Variants in ARHGAP19 observed in about 807,000 individuals in gnomAD.
The protein encoded by ARHGAP19 is Rho GTPase activating protein 19.
ARHGAP19 carries 48 observed loss-of-function variants against 60.9 expected under a neutral mutation model. That is an observed-to-expected ratio of 0.79 (90% confidence interval 0.62 to 1.00). ARHGAP19 has a LOEUF of 1.00. Among genes scored for constraint, ARHGAP19 ranks in the 50% least tolerant of loss-of-function variants. The pLI is 0.00. For synonymous variants in ARHGAP19, 209 were observed against 215.5 expected (o/e 0.97, Z 0.27); for missense variants, 562 against 597.2 (o/e 0.94, Z 0.61).
In ARHGAP19 at chr10:97,224,961, G is replaced by A. The variant is rs192300539; in HGVS notation, c.*1161C>T. On this transcript the variant is annotated 3_prime_UTR_variant, in exon 12 of 12. Coordinates refer to ENST00000358531, the MANE Select transcript of ARHGAP19 (RefSeq NM_032900.6). Reference sequence around the variant, plus strand: ...AACACTCCTTGAACATTGGTGACAAGCCACAGCTGCTTCCAAATAAGAACA... The same window carrying A: ...AACACTCCTTGAACATTGGTGACAAACCACAGCTGCTTCCAAATAAGAACA... The A allele has an allele frequency of 5.2e-4, 79 of 152,386 alleles. No homozygotes were observed. The highest frequency in any genetic ancestry group is 1.8e-3 in the African/African-American group (76 of 41,582). 9.4% of individuals were successfully genotyped at this position (152,386 alleles called of 1,614,324 possible).
intron 1 of ARHGAP19, among the ~76,000 whole-genome samples, chr10:97,281,079 T>C (rs976423225): frequency 3.3e-5 from 5 of 152,110 alleles, no homozygotes; most frequent in African/African-American, 1.2e-4. Flanking sequence ...AGTTCACAAA[T>C]TGAAAATTCT....
chr10:97,250,793 C>T (rs973511393), intron 6 of ARHGAP19, among the ~76,000 whole-genome samples: 1 of 151,304 alleles, frequency 6.6e-6, no homozygotes, highest in South Asian at 2.1e-4. Flanking sequence ...AGGCCAAGAG[C>T]GGTGGCTCAT....
intron 8 of ARHGAP19, among the ~76,000 whole-genome samples, chr10:97,235,876 T>G (rs970169847): frequency 1.3e-5 from 2 of 152,116 alleles, no homozygotes; most frequent in African/African-American, 4.8e-5. Flanking sequence ...CATTGAATAA[T>G]CTTATTCAAT....
chr10:97,265,826 A>C, intron 2 of ARHGAP19, 34 bp downstream of exon 2: 1 of 1,603,612 alleles, frequency 6.2e-7, no homozygotes, highest in Non-Finnish European at 8.5e-7. Flanking sequence ...GGAGCAGCTG[A>C]GGCCTGCCCA....
rs929515414 is a variant in ARHGAP19 at position 97,288,605 on chromosome 10, C to CA, written c.56+3966dup. 2.7e-3 allele frequency among the ~76,000 whole-genome samples: 375 copies of CA among 140,424 alleles called. 4 individuals are homozygous for CA. The highest frequency in any genetic ancestry group is 8.6e-3 in the African/African-American group (331 of 38,612). The allele number at this position is 140,424 out of a possible 152,430, so 92.1% of individuals were successfully genotyped here. On this transcript the variant is annotated intron_variant, in intron 1 of 11. Coordinates refer to ENST00000358531, the MANE Select transcript of ARHGAP19 (RefSeq NM_032900.6). ...AAAAAAAAAAAGAAAAAAAGAACAACAAAAAAAAAAGATTAATCCCTGCAG... is the reference window on the plus strand; with the variant it reads ...AAAAAAAAAAAGAAAAAAAGAACAACAAAAAAAAAAAGATTAATCCCTGCAG...
Position 97,226,079 on chromosome 10 carries a change from A to C in ARHGAP19, c.*43T>G, listed in dbSNP as rs777371736. On this transcript the variant is annotated 3_prime_UTR_variant, in exon 12 of 12. Coordinates refer to ENST00000358531, the MANE Select transcript of ARHGAP19 (RefSeq NM_032900.6). ...GGCAGGAATAACACCTGCCCACTAA[A>C]CAGAAAATTCTGCATGGACCATAGG... 1 of 1,608,968 alleles carries C rather than the reference A, an allele frequency of 6.2e-7. No individual in the cohort carries two copies. Among genetic ancestry groups the C allele is most frequent in the Admixed American group, 1.7e-5 (1 of 59,534 alleles).
chr10:97,249,334 A>G (rs1382488139), intron 6 of ARHGAP19, among the ~76,000 whole-genome samples: 1 of 152,240 alleles, frequency 6.6e-6, no homozygotes, highest in Non-Finnish European at 1.5e-5. Context: ...TCTGGCAGTT[A>G]GCAAAATTAA....
chr10:97,248,892 A>G (rs1455867309), intron 6 of ARHGAP19, among the ~76,000 whole-genome samples: 1 of 152,142 alleles, frequency 6.6e-6, no homozygotes, highest in Non-Finnish European at 1.5e-5. Flanking sequence ...ATCTCGGCTC[A>G]GTGCAACCTC....
At chr10:97,272,103 G>A (rs11591420) in intron 1 of ARHGAP19, among the ~76,000 whole-genome samples, 1 of 140,052 alleles carries the variant, frequency 7.1e-6, no homozygotes, top group East Asian at 2.1e-4. Context: ...GGTTGTTCTA[G>A]CCTTATACAC....
chr10:97,290,258 G>A (rs1190853248), intron 1 of ARHGAP19, among the ~76,000 whole-genome samples: 3 of 139,968 alleles, frequency 2.1e-5, no homozygotes, highest in East Asian at 3.9e-4. Context: ...CAGACCCGCC[G>A]CTGACTCCCA....
In ARHGAP19 at chr10:97,239,546, GAGAGGGTGTGTGTGTGTGT is replaced by G. The variant is rs1564713423; in HGVS notation, c.1186-4250_1186-4232del. On this transcript the variant is annotated intron_variant, in intron 8 of 11. Transcript: ENST00000358531. ...AGAAAAAGGGAGTGAGAGAGAGAGAGAGAGGGTGTGTGTGTGTGTGTGTGTGTGTGTGTGTGTGTGTGTG... is the reference window on the plus strand; with the variant it reads ...AGAAAAAGGGAGTGAGAGAGAGAGAGGTGTGTGTGTGTGTGTGTGTGTGTG... Among the ~76,000 whole-genome samples, 43 of 105,904 alleles carry G rather than the reference GAGAGGGTGTGTGTGTGTGT, an allele frequency of 4.1e-4. 2 individuals are homozygous for G. The highest frequency in any genetic ancestry group is 4.1e-4 in the Admixed American group (4 of 9,842). 69.5% of individuals were successfully genotyped at this position (105,904 alleles called of 152,430 possible).
rs183783360 is a variant in ARHGAP19, at chr10:97,252,216, G to A, written c.927+4102C>T. On this transcript the variant is annotated intron_variant, in intron 6 of 11. Transcript: ENST00000358531. ...AAACTAGCCAGGTGTGGTGGCATGCGCCTGTGGTCCCAGCTAACCAGGAGG... is the reference window on the plus strand; with the variant it reads ...AAACTAGCCAGGTGTGGTGGCATGCACCTGTGGTCCCAGCTAACCAGGAGG... Among the ~76,000 whole-genome samples the A allele has an allele frequency of 7.9e-5, 12 of 152,030 alleles. No homozygotes were observed. The East Asian group carries it at 9.7e-4, about 12-fold the overall frequency.
In ARHGAP19 at chr10:97,244,141, C is replaced by T; in HGVS notation, c.1012G>A (p.Ala338Thr). 6.2e-7 allele frequency: 1 copy of T among 1,611,256 alleles called. No homozygotes were observed. The highest frequency in any genetic ancestry group is 8.5e-7 in the Non-Finnish European group (1 of 1,179,046). ...TGAAAGGACTTAGTATGACATGAAG[C>T]TATGAGGTCAAGGTCATCCTAAGGA... The part of the protein sequence containing the change: ...QASKDDLDLI[A>T]SCHTKSFQLA... The change falls in exon 8 of 12, where the codon GCT becomes ACT. Residue 338 changes from alanine to threonine, a missense_variant. Coordinates refer to ENST00000358531, the MANE Select transcript of ARHGAP19 (RefSeq NM_032900.6).
chr10:97,235,373 T>C (rs1851111550), intron 8 of ARHGAP19, 58 bp from the exon 9 acceptor site: 1 of 1,418,246 alleles, frequency 7.1e-7, no homozygotes, highest in African/African-American at 1.4e-5. Context: ...CACGGCATTC[T>C]GTGACAACTA....
rs769833797 is a variant in ARHGAP19, at chr10:97,222,181, T to C, written c.*3941A>G. 2 of 152,182 alleles carry C rather than the reference T, an allele frequency of 1.3e-5. No homozygotes were observed. Among genetic ancestry groups the C allele is most frequent in the African/African-American group, 4.8e-5 (2 of 41,444 alleles). The allele number at this position is 152,182 out of a possible 1,614,324, so 9.4% of individuals were successfully genotyped here. On this transcript the variant is annotated 3_prime_UTR_variant, in exon 12 of 12. Coordinates refer to ENST00000358531, the MANE Select transcript of ARHGAP19 (RefSeq NM_032900.6). ...ATAGACCAGTCAAATCCTCTGGATA[T>C]GAAACAAAACAATTTTAATTTCAGA...
intron 1 of ARHGAP19, among the ~76,000 whole-genome samples, chr10:97,267,907 C>T (rs549162853): frequency 6.6e-6 from 1 of 152,248 alleles, no homozygotes; most frequent in Non-Finnish European, 1.5e-5. Context: ...GGTGCTGCTA[C>T]AAAGGTCTCT....
Position 97,259,527 on chromosome 10 carries a change from T to C in ARHGAP19, c.715A>G (p.Asn239Asp), listed in dbSNP as rs774421534. The change falls in exon 5 of 12, where the codon AAT becomes GAT. Residue 239 changes from asparagine to aspartate, a missense_variant. Coordinates refer to ENST00000358531, the MANE Select transcript of ARHGAP19 (RefSeq NM_032900.6). ...AGCAATAACTTCAGCAAATTACGAT[T>C]AGGAGGAGGGAGAATGAGGAAGAGC... is the stretch of plus-strand genomic sequence containing the variant. ...QLLFLILPPP[N>D]RNLLKLLLDL... 4.3e-6 allele frequency: 7 copies of C among 1,614,032 alleles called. No individual in the cohort carries two copies. Among genetic ancestry groups the C allele is most frequent in the Admixed American group, 1.7e-5 (1 of 59,996 alleles).
chr10:97,240,189 G>A (rs367992826), intron 8 of ARHGAP19, among the ~76,000 whole-genome samples: 6 of 150,624 alleles, frequency 4.0e-5, no homozygotes, highest in Non-Finnish European at 4.4e-5. Context: ...CCTAGTACAC[G>A]TAGCAGCCAA....
At chr10:97,268,764 G>A (rs1414795429) in intron 1 of ARHGAP19, among the ~76,000 whole-genome samples, 4 of 152,144 alleles carry the variant, frequency 2.6e-5, no homozygotes, top group African/African-American at 9.7e-5. Flanking sequence ...TCCCACAACC[G>A]TGGGGATTAT....
Sources: gnomAD v4.1 joint callset for allele counts (sites outside exome capture counted in the v4.1 genomes callset) on GRCh38, gnomAD v4.1.1 for gene constraint, MANE v1.5 for transcripts, NCBI Gene and HGNC (gene_info 2026-07-23, HGNC 2026-07-21) for gene names.